The following DIPK1A variants were observed in gnomAD, a reference collection of about 807,000 sequenced individuals.
DIPK1A encodes the protein divergent protein kinase domain 1A, also known as family with sequence similarity 69 member A.
DIPK1A carries 27 observed loss-of-function variants against 40.8 expected under a neutral mutation model. The observed-to-expected ratio is 0.66, with a 90% CI of 0.49 to 0.91. The LOEUF (loss-of-function observed/expected upper bound fraction) is 0.91, where lower values mean the gene tolerates loss of function less well. DIPK1A is among the 40% of genes least tolerant of loss of function. DIPK1A has a pLI of 0.00. For synonymous variants in DIPK1A, 166 were observed against 171.3 expected (o/e 0.97, Z 0.24); for missense variants, 412 against 505.7 (o/e 0.81, Z 1.78).
chr1:92,834,194 A>G (rs995144537), intron 4 of DIPK1A, among the ~76,000 whole-genome samples: 5 of 152,194 alleles, frequency 3.3e-5, no homozygotes, highest in African/African-American at 1.2e-4. Context: ...GATTTTTCCT[A>G]TATGGCCTTA....
At chr1:92,892,536 C>T (rs1306042115) in intron 1 of DIPK1A, among the ~76,000 whole-genome samples, 2 of 151,990 alleles carry the variant, frequency 1.3e-5, no homozygotes, top group Non-Finnish European at 2.9e-5. Flanking sequence ...GCAGATAAAA[C>T]CACAAAGATG....
rs576681837 is a variant in DIPK1A, at chr1:92,844,398, A to G, written c.475-203T>C. Among the ~76,000 whole-genome samples the G allele has an allele frequency of 5.4e-4, 83 of 152,310 alleles. 1 individual carries two copies. In the South Asian group the frequency reaches 0.017, roughly 31 times the overall value. ...ACCATGCTTTATGTAACTGCAGTAA[A>G]ACCCACTTTAAAATACTTGTCTGTT... On this transcript the variant is annotated intron_variant, in intron 4 of 4. Coordinates refer to ENST00000370310, the MANE Select transcript of DIPK1A (RefSeq NM_001006605.5).
intron 1 of DIPK1A, among the ~76,000 whole-genome samples, chr1:92,878,275 T>C (rs1034350025): frequency 6.6e-5 from 10 of 152,312 alleles, no homozygotes; most frequent in Middle Eastern, 3.4e-3. Context: ...AGATATATAT[T>C]AGGCTAGATC....
intron 1 of DIPK1A, among the ~76,000 whole-genome samples, chr1:92,898,273 G>A (rs1026545219): frequency 6.6e-6 from 1 of 152,130 alleles, no homozygotes; most frequent in Non-Finnish European, 1.5e-5. Context: ...GTCACATGGT[G>A]AAGAGAGCAA....
At chr1:92,845,833 T>TAAA (rs11407255) in intron 4 of DIPK1A, among the ~76,000 whole-genome samples, 1 of 142,352 alleles carries the variant, frequency 7.0e-6, no homozygotes, top group African/African-American at 2.6e-5. Flanking sequence ...AGACTCCGTC[T>TAAA]AAAAAAAAAA....
chr1:92,845,859 C>T (rs1393257429), intron 4 of DIPK1A, among the ~76,000 whole-genome samples: 1 of 149,112 alleles, frequency 6.7e-6, no homozygotes, highest in Non-Finnish European at 1.5e-5. Context: ...TAGCCAGGTG[C>T]GGTGGTGCGC....
At chr1:92,889,744 C>A (rs1648773597) in intron 1 of DIPK1A, among the ~76,000 whole-genome samples, 1 of 152,034 alleles carries the variant, frequency 6.6e-6, no homozygotes, top group Non-Finnish European at 1.5e-5. Context: ...GTCTCCTGGG[C>A]TCAAGCAATC....
chr1:92,880,101 G>A (rs1338469372), intron 1 of DIPK1A, among the ~76,000 whole-genome samples: 1 of 152,124 alleles, frequency 6.6e-6, no homozygotes, highest in Non-Finnish European at 1.5e-5. Flanking sequence ...AATCTTGTGG[G>A]GTAGCAGCCA....
intron 2 of DIPK1A, among the ~76,000 whole-genome samples, chr1:92,876,031 T>C (rs527478109): frequency 6.7e-6 from 1 of 149,654 alleles, no homozygotes; most frequent in South Asian, 2.1e-4. Context: ...TAAAAATATA[T>C]ATATATATAA....
At chr1:92,873,085 G>A (rs77039154) in intron 2 of DIPK1A, among the ~76,000 whole-genome samples, 1 of 152,054 alleles carries the variant, frequency 6.6e-6, no homozygotes, top group Non-Finnish European at 1.5e-5. Context: ...ATTCCCCCCA[G>A]GGTAAAAGAG....
intron 1 of DIPK1A, among the ~76,000 whole-genome samples, chr1:92,883,018 GC>G (rs1040820711): frequency 6.6e-6 from 1 of 152,228 alleles, no homozygotes; most frequent in African/African-American, 2.4e-5. Flanking sequence ...TCACAGACAT[GC>G]CCTGGGGTGG....
chr1:92,944,897 A>G (rs76900662), intron 1 of DIPK1A, among the ~76,000 whole-genome samples: 1,894 of 152,222 alleles, frequency 0.012, 44 homozygotes, highest in African/African-American at 0.043. Context: ...TTGCGCTCCT[A>G]AAGTGCTGGG....
At chr1:92,877,577 T>C (rs138354430) in intron 1 of DIPK1A, among the ~76,000 whole-genome samples, 107 of 152,318 alleles carry the variant, frequency 7.0e-4, no homozygotes, top group African/African-American at 2.3e-3. Context: ...GGTTTAGATA[T>C]CTTTGTGAGG....
At chr1:92,907,235 C>A (rs75462445) in intron 1 of DIPK1A, among the ~76,000 whole-genome samples, 13,670 of 152,096 alleles carry the variant, frequency 0.09, 812 homozygotes, top group Non-Finnish European at 0.13. Context: ...TTTAGAACAG[C>A]CCCACTTGAA....
In DIPK1A at chr1:92,906,746, C is replaced by T. The variant is rs907712442; in HGVS notation, c.55-30316G>A. 2.6e-5 allele frequency among the ~76,000 whole-genome samples: 4 copies of T among 152,110 alleles called. No homozygotes were observed. The East Asian group carries it at 7.7e-4, about 29-fold the overall frequency. ...TCCCAGGTAAGTGTAATACCTAGTA[C>T]TCTTGCTCTTTTCACGATGCCATGG... On this transcript the variant is annotated intron_variant, in intron 1 of 4. Transcript: ENST00000370310.
chr1:92,850,642 C>T (rs1221234202), intron 3 of DIPK1A, among the ~76,000 whole-genome samples: 1 of 152,146 alleles, frequency 6.6e-6, no homozygotes, highest in African/African-American at 2.4e-5. Context: ...GATCTCACCA[C>T]TGTACTCCAG....
rs987123220 is a variant in DIPK1A, at chr1:92,899,316, T to A, written c.55-22886A>T. On this transcript the variant is annotated intron_variant, in intron 1 of 4. Coordinates refer to ENST00000370310, the MANE Select transcript of DIPK1A (RefSeq NM_001006605.5). Reference sequence around the variant, plus strand: ...TATGTAATGACCTTCTTTGCCTCTTTGTATAGTTTTTGACTTAAAGTCTGT... The same window carrying A: ...TATGTAATGACCTTCTTTGCCTCTTAGTATAGTTTTTGACTTAAAGTCTGT... 3.9e-5 allele frequency among the ~76,000 whole-genome samples: 6 copies of A among 152,174 alleles called. 1 individual carries two copies. The highest frequency in any genetic ancestry group is 3.3e-4 in the Admixed American group (5 of 15,268).
chr1:92,837,190 T>C (rs1048068144), downstream of DIPK1A: 62 of 613,660 alleles, frequency 1.0e-4, no homozygotes, highest in Non-Finnish European at 1.8e-5. Context: ...GCTGATGTGC[T>C]GGATGACTAA....
chr1:92,892,702 C>A lies in DIPK1A; in HGVS notation c.55-16272G>T, dbSNP rs189697428. The stretch of plus-strand genomic sequence containing the variant: ...AAGGCTTCAGATGATCAAACTACTC[C>A]GAGCTAAAGGAGGAAGTTCGAACCC... On this transcript the variant is annotated intron_variant, in intron 1 of 4. Coordinates refer to ENST00000370310, the MANE Select transcript of DIPK1A (RefSeq NM_001006605.5). Among the ~76,000 whole-genome samples, 156 of 152,056 alleles carry A rather than the reference C, an allele frequency of 1.0e-3. 1 individual carries two copies. The highest frequency in any genetic ancestry group is 3.5e-3 in the African/African-American group (147 of 41,434).
Sources: allele counts gnomAD v4.1 joint callset (sites outside exome capture counted in the v4.1 genomes callset), GRCh38; gene constraint gnomAD v4.1.1; transcripts MANE v1.5; gene names NCBI Gene and HGNC (gene_info 2026-07-23, HGNC 2026-07-21).